Variants in GFRA1 observed in about 807,000 individuals in gnomAD.
GFRA1 encodes the protein GDNF family receptor alpha-1.
In GFRA1, 16 loss-of-function variants were observed where a neutral mutation model predicts 51.6. The observed-to-expected ratio is 0.31, with a 90% CI of 0.21 to 0.47. The LOEUF (loss-of-function observed/expected upper bound fraction) is 0.47. Among genes scored for constraint, GFRA1 ranks in the 20% least tolerant of loss-of-function variants. The pLI, the probability that GFRA1 is intolerant of heterozygous loss-of-function variation, is 1.00. For synonymous variants in GFRA1, 270 were observed against 241.3 expected (o/e 1.12, Z -1.10); for missense variants, 530 against 594.3 (o/e 0.89, Z 1.13).
rs148946180 is a variant in GFRA1 at position 116,239,408 on chromosome 10, T to C, written c.419-27763A>G. On this transcript the variant is annotated intron_variant, in intron 4 of 10. Coordinates refer to ENST00000355422, the MANE Select transcript of GFRA1 (RefSeq NM_005264.8). ...CCTTTCCTTTATACCATGCTGGAAG[T>C]ACAGTGTCTAAAGGTCTTTTGGGAA... Among the ~76,000 whole-genome samples, 989 of 152,348 alleles carry C rather than the reference T, an allele frequency of 6.5e-3. 5 individuals carry two copies. The highest frequency in any genetic ancestry group is 0.01 in the Non-Finnish European group (710 of 68,032).
At chr10:116,130,620 AT>A (rs982358318) in intron 5 of GFRA1, among the ~76,000 whole-genome samples, 2 of 152,180 alleles carry the variant, frequency 1.3e-5, no homozygotes, top group Admixed American at 6.5e-5. Context: ...CAGTCACTTG[AT>A]TTTTTTGAAA....
chr10:116,229,191 ATTTG>A (rs1384694263), intron 4 of GFRA1, among the ~76,000 whole-genome samples: 1 of 152,082 alleles, frequency 6.6e-6, no homozygotes, highest in Non-Finnish European at 1.5e-5. Flanking sequence ...ATTTAGGGTA[ATTTG>A]TTGCAGAAGC....
At chr10:116,097,021 GAA>G (rs1468887566) in intron 6 of GFRA1, among the ~76,000 whole-genome samples, 1 of 152,102 alleles carries the variant, frequency 6.6e-6, no homozygotes, top group Non-Finnish European at 1.5e-5. Context: ...TATTCAGAGA[GAA>G]GTCTTCAGGG....
intron 5 of GFRA1, among the ~76,000 whole-genome samples, chr10:116,181,589 G>C (rs957783899): frequency 2.6e-5 from 4 of 152,150 alleles, no homozygotes; most frequent in Non-Finnish European, 5.9e-5. Context: ...TTCTGAAGCA[G>C]AGGCAGTGAG....
chr10:116,212,961 G>T (rs537617965), intron 4 of GFRA1, among the ~76,000 whole-genome samples: 1 of 152,212 alleles, frequency 6.6e-6, no homozygotes, highest in African/African-American at 2.4e-5. Context: ...CCAAAAGTAC[G>T]CTCATTTGCT....
intron 5 of GFRA1, among the ~76,000 whole-genome samples, chr10:116,210,302 CAA>C (rs1211216302): frequency 6.6e-6 from 1 of 152,006 alleles, no homozygotes; most frequent in Non-Finnish European, 1.5e-5. Context: ...TTTCCAAACT[CAA>C]ATGTTTTGTG....
chr10:116,205,971 A>C (rs898432565), intron 5 of GFRA1, among the ~76,000 whole-genome samples: 1 of 93,406 alleles, frequency 1.1e-5, no homozygotes, highest in Non-Finnish European at 2.5e-5. Flanking sequence ...CACACACACA[A>C]AGTGAATCTA....
intron 9 of GFRA1, among the ~76,000 whole-genome samples, chr10:116,087,954 T>C (rs1956165881): frequency 6.6e-6 from 1 of 152,130 alleles, no homozygotes; most frequent in South Asian, 2.1e-4. Context: ...GCACAGTGCT[T>C]TGGAGAGAGT....
chr10:116,166,772 A>G, intron 5 of GFRA1, among the ~76,000 whole-genome samples: 1 of 141,934 alleles, frequency 7.0e-6, no homozygotes, highest in Non-Finnish European at 1.5e-5. Flanking sequence ...AAGGATAGCA[A>G]CAATCTTCTT....
chr10:116,114,662 C>A (rs1489311397), intron 6 of GFRA1, among the ~76,000 whole-genome samples: 1 of 152,092 alleles, frequency 6.6e-6, no homozygotes, highest in African/African-American at 2.4e-5. Context: ...GCCTCCTGAG[C>A]AGCTGAGACT....
intron 5 of GFRA1, among the ~76,000 whole-genome samples, chr10:116,187,183 C>T (rs1962804621): frequency 6.6e-6 from 1 of 152,118 alleles, no homozygotes; most frequent in Admixed American, 6.5e-5. Flanking sequence ...AATAAAAGCA[C>T]CAAGTAGTCT....
intron 4 of GFRA1, among the ~76,000 whole-genome samples, chr10:116,217,172 C>T (rs1438451958): frequency 6.6e-6 from 1 of 152,138 alleles, no homozygotes; most frequent in Non-Finnish European, 1.5e-5. Flanking sequence ...TGACAGGATG[C>T]GTCCTTATAT....
At chr10:116,243,668 T>C (rs183112377) in intron 4 of GFRA1, among the ~76,000 whole-genome samples, 1 of 151,900 alleles carries the variant, frequency 6.6e-6, no homozygotes, top group East Asian at 1.9e-4. Context: ...TTAAAAAATA[T>C]ATATCTGGGA....
intron 4 of GFRA1, among the ~76,000 whole-genome samples, chr10:116,251,412 G>A (rs546908352): frequency 2.0e-5 from 3 of 152,306 alleles, no homozygotes; most frequent in East Asian, 3.9e-4. Flanking sequence ...GCGTAAGAGT[G>A]GGGGTGGATG....
At chr10:116,208,047 T>C (rs762609053) in intron 5 of GFRA1, among the ~76,000 whole-genome samples, 2 of 151,964 alleles carry the variant, frequency 1.3e-5, no homozygotes, top group African/African-American at 2.4e-5. Flanking sequence ...TCTGACTCCC[T>C]TTCTCTCAGC....
intron 5 of GFRA1, among the ~76,000 whole-genome samples, chr10:116,167,921 T>A (rs1960642220): frequency 6.6e-6 from 1 of 152,018 alleles, no homozygotes; most frequent in Non-Finnish European, 1.5e-5. Flanking sequence ...TAAGAGTCCA[T>A]ATAATGGACT....
chr10:116,107,456 A>G (rs536635728), intron 6 of GFRA1, among the ~76,000 whole-genome samples: 1 of 152,310 alleles, frequency 6.6e-6, no homozygotes, highest in East Asian at 1.9e-4. Flanking sequence ...TGTGTTCAGG[A>G]AAGTCATGAT....
At chr10:116,238,838 C>T (rs1362346519) in intron 4 of GFRA1, among the ~76,000 whole-genome samples, 1 of 152,126 alleles carries the variant, frequency 6.6e-6, no homozygotes, top group South Asian at 2.1e-4. Flanking sequence ...CAAAAAAAAT[C>T]TGTAATTTTT....
At chr10:116,177,470 G>A (rs923781722) in intron 5 of GFRA1, among the ~76,000 whole-genome samples, 1 of 152,128 alleles carries the variant, frequency 6.6e-6, no homozygotes, top group Non-Finnish European at 1.5e-5. Context: ...CATGAGCTTG[G>A]GAGGCTCAGA....
Sources: allele counts gnomAD v4.1 joint callset (sites outside exome capture counted in the v4.1 genomes callset), GRCh38; gene constraint gnomAD v4.1.1; transcripts MANE v1.5; gene names NCBI Gene and HGNC (gene_info 2026-07-23, HGNC 2026-07-21).